Variants in RPF2 observed in about 807,000 individuals in gnomAD.
RPF2 encodes the protein brix domain containing 1.
RPF2 carries 21 observed loss-of-function variants against 38.9 expected under a neutral mutation model. The ratio of observed to expected loss-of-function variants is 0.54; its 90% CI spans 0.38 to 0.78. RPF2 has a LOEUF of 0.78. Ranked by LOEUF, RPF2 falls within the 30% of genes least tolerant of loss-of-function variation. RPF2 has a pLI of 0.00. For synonymous variants in RPF2, 121 were observed against 126.2 expected, an observed-to-expected ratio of 0.96 and a Z score of 0.28; for missense variants, 314 against 358.1, an observed-to-expected ratio of 0.88 and a Z score of 0.99.
At chr6:111,011,578 C>T (rs935034378) in intron 7 of RPF2, among the ~76,000 whole-genome samples, 3 of 152,038 alleles carry the variant, frequency 2.0e-5, no homozygotes, top group East Asian at 1.9e-4. Flanking sequence ...TGTGATCCAC[C>T]GTGCCTGGTC....
intron 8 of RPF2, among the ~76,000 whole-genome samples, chr6:111,021,376 T>C (rs897044519): frequency 1.3e-5 from 2 of 152,188 alleles, no homozygotes; most frequent in Non-Finnish European, 2.9e-5. Flanking sequence ...TTGTTAGCTA[T>C]TAATTTGAAA....
rs1260976688 is a variant in RPF2, at chr6:110,982,114, C to T, written c.8C>T (p.Thr3Ile). The T allele has an allele frequency of 3.1e-6, 5 of 1,614,208 alleles. No homozygotes were observed. The highest frequency in any genetic ancestry group is 4.2e-6 in the Non-Finnish European group (5 of 1,180,020). The change falls in exon 1 of 10, where the codon ACT becomes ATT. Residue 3 changes from threonine (T) to isoleucine (I), a missense_variant. Thr to Ile is a moderately conservative substitution (Grantham distance 89, BLOSUM62 -1). Transcript: ENST00000441448. MD[T>I]LDRVVKPKTK... Reference sequence around the variant, plus strand: ...TTGCAGGTAGCGGTAGCGATGGACACTCTGGATCGAGTAGTGTAAGTGCGC... The same window carrying T: ...TTGCAGGTAGCGGTAGCGATGGACATTCTGGATCGAGTAGTGTAAGTGCGC...
intron 6 of RPF2, among the ~76,000 whole-genome samples, chr6:111,001,408 T>C (rs1771809611): frequency 1.3e-5 from 2 of 152,132 alleles, no homozygotes; most frequent in South Asian, 2.1e-4. Flanking sequence ...GACAGGGTCT[T>C]GCTCTGTCAC....
chr6:111,027,665 GT>G lies in RPF2; in HGVS notation c.*2088del, dbSNP rs1309979529. Reference sequence around the variant, plus strand: ...TCTGTATGTGAGACGTCTTAAGGGTGTTTTTGTTTGTTTTAATCAGCCCTCT... The same window carrying G: ...TCTGTATGTGAGACGTCTTAAGGGTGTTTTGTTTGTTTTAATCAGCCCTCT... On this transcript the variant is annotated 3_prime_UTR_variant, in exon 10 of 10. Coordinates refer to ENST00000441448, the MANE Select transcript of RPF2 (RefSeq NM_032194.3). 1 of 152,194 alleles carries G rather than the reference GT, an allele frequency of 6.6e-6. No homozygotes were observed. Among genetic ancestry groups the G allele is most frequent in the African/African-American group, 2.4e-5 (1 of 41,450 alleles). 9.4% of individuals were successfully genotyped at this position (152,194 alleles called of 1,614,324 possible). A position where few individuals can be genotyped will look rare whatever the true frequency, so the allele number is the denominator to read the frequency against.
intron 8 of RPF2, among the ~76,000 whole-genome samples, chr6:111,021,060 T>C (rs1772223596): frequency 6.6e-6 from 1 of 152,020 alleles, no homozygotes; most frequent in Admixed American, 6.6e-5. Flanking sequence ...TCCCAGCTAT[T>C]CAGGGGGCCA....
chr6:111,021,169 AAAAAAT>A (rs1294271801), intron 8 of RPF2, among the ~76,000 whole-genome samples: 2 of 152,156 alleles, frequency 1.3e-5, no homozygotes, highest in Non-Finnish European at 2.9e-5. Flanking sequence ...CTCTGTCTCA[AAAAAAT>A]AAAAATAAAA....
At chr6:110,991,839 A>AGACTAAT in intron 4 of RPF2, 53 bp downstream of exon 4, 2 of 686,522 alleles carry the variant, frequency 2.9e-6, no homozygotes, top group Non-Finnish European at 4.7e-6. Flanking sequence ...GTAATTATTC[A>AGACTAAT]GACTAATTCA....
chr6:111,016,511 C>T (rs767003467), intron 8 of RPF2, among the ~76,000 whole-genome samples: 5 of 151,540 alleles, frequency 3.3e-5, no homozygotes, highest in South Asian at 2.1e-4. Flanking sequence ...GCACAAAAAT[C>T]GCTTGAACCT....
intron 8 of RPF2, among the ~76,000 whole-genome samples, chr6:111,021,999 C>T (rs957214584): frequency 1.4e-4 from 22 of 152,160 alleles, no homozygotes; most frequent in African/African-American, 5.3e-4. Context: ...TGTTCCTATA[C>T]ATCCTATAGT....
rs1772359236 is a variant in RPF2, at chr6:111,027,735, T to C, written c.*2153T>C. ...ACATTTCTGTTTTCTAGGTAATTTC[T>C]GTGTCTGATGGTAGAGGATCTAATA... On this transcript the variant is annotated 3_prime_UTR_variant, in exon 10 of 10. Coordinates refer to ENST00000441448, the MANE Select transcript of RPF2 (RefSeq NM_032194.3). The C allele has an allele frequency of 6.6e-6, 1 of 152,270 alleles. No individual in the cohort carries two copies. Among genetic ancestry groups the C allele is most frequent in the South Asian group, 2.1e-4 (1 of 4,836 alleles). 9.4% of individuals were successfully genotyped at this position (152,270 alleles called of 1,614,324 possible). A position where few individuals can be genotyped will look rare whatever the true frequency, so the allele number is the denominator to read the frequency against.
In RPF2 at chr6:111,025,546, C is replaced by A. The variant is rs1772310664; in HGVS notation, c.885C>A (p.Asp295Glu). Residue 295 changes from aspartate (D) to glutamate (E), a missense_variant, in exon 10 of 10, where the codon GAC becomes GAA. Physicochemically the swap from Asp to Glu is conservative, Grantham distance 45 (BLOSUM62 2). Transcript: ENST00000441448. ...GACCTGCAGAAAGGATAACAGAAGA[C>A]CACGAGAAAAAGTCAAAAAGAATTA... ...KKRPAERITE[D>E]HEKKSKRIKK... 1.2e-6 allele frequency: 2 copies of A among 1,607,146 alleles called. No homozygotes were observed. The highest frequency in any genetic ancestry group is 1.7e-5 in the Admixed American group (1 of 58,636).
chr6:111,001,277 A>T (rs991861574), intron 6 of RPF2, among the ~76,000 whole-genome samples: 3 of 152,346 alleles, frequency 2.0e-5, no homozygotes, highest in South Asian at 2.1e-4. Flanking sequence ...AATATATGTG[A>T]AAATGCTTAT....
chr6:111,023,207 A>G (rs1772264337), intron 8 of RPF2, among the ~76,000 whole-genome samples: 1 of 152,108 alleles, frequency 6.6e-6, no homozygotes, highest in Admixed American at 6.6e-5. Flanking sequence ...CTGCTCCACC[A>G]TCACTTTATC....
At chr6:111,009,804 G>A (rs1231991707) in intron 7 of RPF2, among the ~76,000 whole-genome samples, 1 of 151,782 alleles carries the variant, frequency 6.6e-6, no homozygotes, top group African/African-American at 2.4e-5. Flanking sequence ...CTCCTAAGTA[G>A]CTGGGACCAT....
At chr6:110,984,605 C>T (rs1418627260) in intron 1 of RPF2, among the ~76,000 whole-genome samples, 2 of 152,034 alleles carry the variant, frequency 1.3e-5, no homozygotes, top group African/African-American at 2.4e-5. Context: ...CTTTGGGAGC[C>T]GAGGTGAGCG....
At chr6:110,982,949 A>AG (rs1771457964) in intron 1 of RPF2, among the ~76,000 whole-genome samples, 1 of 152,242 alleles carries the variant, frequency 6.6e-6, no homozygotes, top group South Asian at 2.1e-4. Context: ...GTTGCTGTTT[A>AG]ATGAGATACA....
intron 2 of RPF2, among the ~76,000 whole-genome samples, chr6:110,987,507 A>G (rs1348120408): frequency 6.6e-6 from 1 of 152,192 alleles, no homozygotes; most frequent in Non-Finnish European, 1.5e-5. Flanking sequence ...TCCTTCTAGT[A>G]TCCATCAGCA....
intron 8 of RPF2, among the ~76,000 whole-genome samples, chr6:111,021,257 T>C (rs1308821117): frequency 6.6e-6 from 1 of 152,180 alleles, no homozygotes; most frequent in Non-Finnish European, 1.5e-5. Context: ...AGAATCACCT[T>C]TACACTAGCA....
chr6:111,002,777 T>C (rs1771832195), intron 6 of RPF2, among the ~76,000 whole-genome samples: 1 of 152,114 alleles, frequency 6.6e-6, no homozygotes, highest in Non-Finnish European at 1.5e-5. Context: ...GGCAGTCTTT[T>C]TTTTTTTTGA....
Sources: gnomAD v4.1 joint callset for allele counts (sites outside exome capture counted in the v4.1 genomes callset) on GRCh38, gnomAD v4.1.1 for gene constraint, MANE v1.5 for transcripts, NCBI Gene and HGNC (gene_info 2026-07-23, HGNC 2026-07-21) for gene names.